Variants in TNK1 observed in about 807,000 individuals in gnomAD.
TNK1 encodes the protein non-receptor tyrosine-protein kinase TNK1.
TNK1 carries 53 observed loss-of-function variants against 65.2 expected under a neutral mutation model. The ratio of observed to expected loss-of-function variants is 0.81; its 90% confidence interval spans 0.65 to 1.02. The LOEUF is 1.02. Ranked by LOEUF, TNK1 falls within the 50% of genes least tolerant of loss-of-function variation. TNK1 has a pLI of 0.00. For missense variants in TNK1, 837 were observed against 878.4 expected (o/e 0.95, Z 0.60); for synonymous variants, 353 against 364.6 (o/e 0.97, Z 0.36).
At position 7,389,567 on chromosome 17, in the gene TNK1, G is replaced by A; in HGVS notation, c.*483G>A. ...CCAAACTGCCTTCGTTTGGTCCAGG[G>A]CCATCGTGGGTGATGACGATTGCTC... is the stretch of plus-strand genomic sequence containing the variant. On this transcript the variant is annotated 3_prime_UTR_variant, in exon 13 of 13. Transcript: ENST00000688331. 1 of 316,066 alleles carries A rather than the reference G, an allele frequency of 3.2e-6. No homozygotes were observed. The highest frequency in any genetic ancestry group is 5.8e-6 in the Non-Finnish European group (1 of 173,650). The allele number at this position is 316,066 out of a possible 1,614,324, so 19.6% of individuals were successfully genotyped here. A position where few individuals can be genotyped will look rare whatever the true frequency, so the allele number is the denominator to read the frequency against.
rs1905458418 is a variant in TNK1 at position 7,389,477 on chromosome 17, C to T, written c.*393C>T. The stretch of plus-strand genomic sequence containing the variant: ...CATCCTGAACTGCCATCAGCTACCA[C>T]ACTGGACTCTGCAGGGCAGCCATCC... On this transcript the variant is annotated 3_prime_UTR_variant, in exon 13 of 13. Transcript: ENST00000688331. 2.4e-6 allele frequency: 1 copy of T among 419,172 alleles called. No homozygotes were observed. The highest frequency in any genetic ancestry group is 4.2e-6 in the Non-Finnish European group (1 of 237,526). The allele number at this position is 419,172 out of a possible 1,614,324, so 26.0% of individuals were successfully genotyped here.
intron 10 of TNK1, 67 bp downstream of exon 10, chr17:7,387,524 C>T (rs894890593): frequency 1.5e-6 from 2 of 1,356,630 alleles, no homozygotes; most frequent in African/African-American, 2.9e-5. Flanking sequence ...GACCCCCTGC[C>T]CTAAATCCAT....
Position 7,383,806 on chromosome 17 carries a change from T to C in TNK1, c.524T>C (p.Leu175Ser). 1.2e-6 allele frequency: 2 copies of C among 1,613,206 alleles called. No individual in the cohort carries two copies. The highest frequency in any genetic ancestry group is 1.7e-6 in the Non-Finnish European group (2 of 1,179,624). Residue 175 changes from leucine (L) to serine (S), a missense_variant, in exon 5 of 13, where the codon TTG becomes TCG. Leu to Ser is a moderately radical substitution (Grantham distance 145). Coordinates refer to ENST00000688331, the MANE Select transcript of TNK1 (RefSeq NM_003985.6). ...CGAGAGGTATCGGTCATGATGAACT[T>C]GGAGCACCCACACGTGCTGCGTCTG... Reference protein sequence around the residue: ...FLREVSVMMNLEHPHVLRLHG... With the variant: ...FLREVSVMMNSEHPHVLRLHG...
chr17:7,387,058 C>A lies in TNK1; in HGVS notation c.1301C>A (p.Ala434Glu). The change falls in exon 9 of 13, where the codon GCA (alanine) becomes GAA (glutamate). Residue 434 changes from alanine to glutamate, a missense_variant. Transcript: ENST00000688331. ...TFKVGSFPASAVTLADAGGLP... is the reference protein window; with the variant it reads ...TFKVGSFPASEVTLADAGGLP... ...AAAGTGGGCAGCTTCCCAGCCTCGG[C>A]AGTGACGCTGGCAGATGCGGGGGGC... is the stretch of plus-strand genomic sequence containing the variant. 6.2e-7 allele frequency: 1 copy of A among 1,612,172 alleles called. No homozygotes were observed. The highest frequency in any genetic ancestry group is 8.5e-7 in the Non-Finnish European group (1 of 1,179,188).
chr17:7,380,839 T>C, upstream of TNK1: 1 of 152,528 alleles, frequency 6.6e-6, no homozygotes. Context: ...GGGAAGCTAT[T>C]CGGAGAAGGC....
In TNK1 at chr17:7,388,257, C is replaced by T; in HGVS notation, c.1478-149C>T. On this transcript the variant is annotated intron_variant, in intron 10 of 12. Coordinates refer to ENST00000688331, the MANE Select transcript of TNK1 (RefSeq NM_003985.6). The surrounding 1 kb of genome is among the most constrained non-coding windows in gnomAD (Gnocchi z 4.5). ...CCTGGGCAATGTGCCGAAACCCCTT[C>T]TCTACAAAAATACAAAAATTAGCCA... 1 of 827,934 alleles carries T rather than the reference C, an allele frequency of 1.2e-6. No homozygotes were observed. Among genetic ancestry groups the T allele is most frequent in the Admixed American group, 3.0e-5 (1 of 33,810 alleles). The allele number at this position is 827,934 out of a possible 1,614,324, so 51.3% of individuals were successfully genotyped here.
chr17:7,381,814 T>G (rs1057006544), intron 1 of TNK1, among the ~76,000 whole-genome samples: 19 of 152,220 alleles, frequency 1.2e-4, no homozygotes, highest in African/African-American at 4.3e-4. Context: ...CATGTGGACC[T>G]TTGTGTCTTA....
In TNK1 at chr17:7,382,968, C is replaced by G. The variant is rs1455785317; in HGVS notation, c.42C>G (p.Leu14=). Reference sequence around the variant, plus strand: ...GCTCCCTGTGGCTACTGAAGCTGCTCCGGGACATCCAGTTGGCCCAGTTTT... The same window carrying G: ...GCTCCCTGTGGCTACTGAAGCTGCTGCGGGACATCCAGTTGGCCCAGTTTT... ...EAGSLWLLKL[L]RDIQLAQFYW... Residue 14 remains leucine (L), a synonymous_variant, in exon 2 of 13, where the codon CTC becomes CTG. Coordinates refer to ENST00000688331, the MANE Select transcript of TNK1 (RefSeq NM_003985.6). This position sits in a 1 kb window ranked among gnomAD's most constrained non-coding sequence, Gnocchi z 4.1. The G allele has an allele frequency of 1.9e-6, 3 of 1,613,922 alleles. No homozygotes were observed. The highest frequency in any genetic ancestry group is 2.5e-6 in the Non-Finnish European group (3 of 1,179,906).
rs895446795 is a variant in TNK1, at chr17:7,382,682, C to T, written c.-91-154C>T. On this transcript the variant is annotated intron_variant, in intron 1 of 12. Coordinates refer to ENST00000688331, the MANE Select transcript of TNK1 (RefSeq NM_003985.6). The surrounding 1 kb of genome is among the most constrained non-coding windows in gnomAD (Gnocchi z 4.1). ...AGTATGCTAAAATTGCAGGTGTGAG[C>T]AGGGCAGGTTACTCAGCGGTGAAGG... Among the ~76,000 whole-genome samples the T allele has an allele frequency of 2.6e-5, 4 of 151,320 alleles. No homozygotes were observed. Among genetic ancestry groups the T allele is most frequent in the Admixed American group, 6.6e-5 (1 of 15,098 alleles).
Position 7,382,982 on chromosome 17 carries a change from T to G in TNK1, c.56T>G (p.Leu19Trp), listed in dbSNP as rs1396306382. 8.7e-6 allele frequency: 14 copies of G among 1,613,932 alleles called. No homozygotes were observed. The African/African-American group carries it at 1.9e-4, about 22-fold the overall frequency. The change falls in exon 2 of 13, where the codon TTG (leucine) becomes TGG (tryptophan). Residue 19 changes from leucine (L) to tryptophan (W), a missense_variant. Leu to Trp is a moderately conservative substitution (Grantham distance 61). Coordinates refer to ENST00000688331, the MANE Select transcript of TNK1 (RefSeq NM_003985.6). The surrounding 1 kb of genome is among the most constrained non-coding windows in gnomAD (Gnocchi z 4.1). Reference protein sequence around the residue: ...WLLKLLRDIQLAQFYWPILEE... With the variant: ...WLLKLLRDIQWAQFYWPILEE... ...CTGAAGCTGCTCCGGGACATCCAGTTGGCCCAGTTTTACTGGCCCATCCTT... is the reference window on the plus strand; with the variant it reads ...CTGAAGCTGCTCCGGGACATCCAGTGGGCCCAGTTTTACTGGCCCATCCTT...
upstream of TNK1, chr17:7,381,044 C>G (rs1904778452): frequency 6.6e-6 from 1 of 152,328 alleles, no homozygotes; most frequent in African/African-American, 2.4e-5. Flanking sequence ...GGATTTACTC[C>G]TGTCCCGCCT....
At chr17:7,386,698 C>A (rs369437271) in intron 8 of TNK1, 43 bp downstream of exon 8, 8 of 1,453,974 alleles carry the variant, frequency 5.5e-6, no homozygotes, top group African/African-American at 1.4e-5. Flanking sequence ...GAGGAGGATA[C>A]CCTCCCAGCC....
Position 7,382,987 on chromosome 17 carries a change from C to A in TNK1, c.61C>A (p.Gln21Lys). The change falls in exon 2 of 13, where the codon CAG (glutamine) becomes AAG (lysine). Residue 21 changes from glutamine to lysine, a missense_variant. Coordinates refer to ENST00000688331, the MANE Select transcript of TNK1 (RefSeq NM_003985.6). This position sits in a 1 kb window ranked among gnomAD's most constrained non-coding sequence, Gnocchi z 4.1. ...LKLLRDIQLA[Q>K]FYWPILEELN... ...GCTGCTCCGGGACATCCAGTTGGCCCAGTTTTACTGGCCCATCCTTGAGGA... is the reference window on the plus strand; with the variant it reads ...GCTGCTCCGGGACATCCAGTTGGCCAAGTTTTACTGGCCCATCCTTGAGGA... The A allele has an allele frequency of 6.2e-7, 1 of 1,614,032 alleles. No individual in the cohort carries two copies.
In TNK1 at chr17:7,388,794, CTGAG is replaced by C; in HGVS notation, c.1786_1789del (p.Ser596CysfsTer13). 1 of 1,606,370 alleles carries C rather than the reference CTGAG, an allele frequency of 6.2e-7. No homozygotes were observed. Among genetic ancestry groups the C allele is most frequent in the Non-Finnish European group, 8.5e-7 (1 of 1,176,220 alleles). Reference sequence around the variant, plus strand: ...GAGGCTTTGTCTGTCACAGGTGGAGCTGAGTGTGCATGGGGTCACCCACCAGGAG... The same window carrying C: ...GAGGCTTTGTCTGTCACAGGTGGAGCTGTGCATGGGGTCACCCACCAGGAG... On this transcript the variant is annotated frameshift_variant, in exon 12 of 13. Transcript: ENST00000688331. LOFTEE classifies it high-confidence loss of function. The surrounding 1 kb of genome is among the most constrained non-coding windows in gnomAD (Gnocchi z 4.5).
Position 7,386,621 on chromosome 17 carries a change from G to A in TNK1, c.1198G>A (p.Glu400Lys). Residue 400 changes from glutamate (E) to lysine (K), a missense_variant, in exon 8 of 13, where the codon GAG (glutamate) becomes AAG (lysine). Transcript: ENST00000688331. Reference sequence around the variant, plus strand: ...CACAGAACCAGGCGCCCTGAGGATGGAGACTGGTGACCCCATCACAGTCAT... The same window carrying A: ...CACAGAACCAGGCGCCCTGAGGATGAAGACTGGTGACCCCATCACAGTCAT... Reference protein sequence around the residue: ...DVTEPGALRMETGDPITVIEG... With the variant: ...DVTEPGALRMKTGDPITVIEG... The A allele has an allele frequency of 3.7e-6, 6 of 1,601,614 alleles. No individual in the cohort carries two copies. Among genetic ancestry groups the A allele is most frequent in the Non-Finnish European group, 5.1e-6 (6 of 1,174,112 alleles).
In TNK1 at chr17:7,389,510, T is replaced by G. The variant is rs1196745096; in HGVS notation, c.*426T>G. 2.5e-6 allele frequency: 1 copy of G among 393,904 alleles called. No individual in the cohort carries two copies. Among genetic ancestry groups the G allele is most frequent in the Non-Finnish European group, 4.5e-6 (1 of 222,496 alleles). 24.4% of individuals were successfully genotyped at this position (393,904 alleles called of 1,614,324 possible). ...TCTGCAGGGCAGCCATCCTGGATGA[T>G]GGAAGCCACCATATTGACTTGGGGT... is the stretch of plus-strand genomic sequence containing the variant. On this transcript the variant is annotated 3_prime_UTR_variant, in exon 13 of 13. Coordinates refer to ENST00000688331, the MANE Select transcript of TNK1 (RefSeq NM_003985.6).
intron 7 of TNK1, among the ~76,000 whole-genome samples, chr17:7,385,913 C>G (rs1280429137): frequency 6.6e-6 from 1 of 152,144 alleles, no homozygotes; most frequent in African/African-American, 2.4e-5. Flanking sequence ...AGTTGAGGCA[C>G]TGAGAGTTTA....
At chr17:7,383,123 C>G in intron 2 of TNK1, 34 bp downstream of exon 2, 1 of 1,613,056 alleles carries the variant, frequency 6.2e-7, no homozygotes, top group Non-Finnish European at 8.5e-7. Flanking sequence ...CCTGGTCTCT[C>G]TGTCCACAGC....
At position 7,389,244 on chromosome 17, in the gene TNK1, G is replaced by A; in HGVS notation, c.*160G>A. The A allele has an allele frequency of 1.6e-6, 1 of 617,908 alleles. No individual in the cohort carries two copies. Among genetic ancestry groups the A allele is most frequent in the Non-Finnish European group, 2.8e-6 (1 of 353,744 alleles). The allele number at this position is 617,908 out of a possible 1,614,324, so 38.3% of individuals were successfully genotyped here. A position where few individuals can be genotyped will look rare whatever the true frequency, so the allele number is the denominator to read the frequency against. On this transcript the variant is annotated 3_prime_UTR_variant, in exon 13 of 13. Coordinates refer to ENST00000688331, the MANE Select transcript of TNK1 (RefSeq NM_003985.6). ...TAGGCACATGGAGGAGGAGCCCAGA[G>A]TTGGGCACTGGCAAATGTCTCCTCC...
Sources: gnomAD v4.1 joint callset for allele counts (sites outside exome capture counted in the v4.1 genomes callset) on GRCh38, gnomAD v4.1.1 for gene constraint, Gnocchi (gnomAD v3.1) non-coding constraint, MANE v1.5 for transcripts, NCBI Gene and HGNC (gene_info 2026-07-23, HGNC 2026-07-21) for gene names.